Variants in NKIRAS1 observed in about 807,000 individuals in gnomAD.
The protein encoded by NKIRAS1 is NF-kappa-B inhibitor-interacting Ras-like protein 1.
Under a neutral mutation model 19.8 loss-of-function variants are expected in NKIRAS1, and 16 were observed. The ratio of observed to expected loss-of-function variants is 0.81; its 90% CI spans 0.55 to 1.23. NKIRAS1 has a LOEUF of 1.23. Among genes scored for constraint, NKIRAS1 ranks in the 50% most tolerant of loss-of-function variants. NKIRAS1 has a pLI of 0.00. For synonymous variants in NKIRAS1, 88 were observed against 79.0 expected (o/e 1.11, Z -0.61); for missense variants, 184 against 220.0 (o/e 0.84, Z 1.04).
chr3:23,900,123 C>T (rs1702364679), intron 4 of NKIRAS1, among the ~76,000 whole-genome samples: 1 of 151,178 alleles, frequency 6.6e-6, no homozygotes, highest in Non-Finnish European at 1.5e-5. Flanking sequence ...GATCGTGCCA[C>T]TGCACTCCAG....
At chr3:23,918,089 C>A, upstream of NKIRAS1, 1 of 1,566,492 alleles carries the variant, frequency 6.4e-7, no homozygotes, top group Admixed American at 1.9e-5. Flanking sequence ...AAGTTGGAAA[C>A]CAGCTGTTAG....
chr3:23,945,580 T>C (rs1705637996), intron 1 of NKIRAS1: 3 of 1,135,058 alleles, frequency 2.6e-6, no homozygotes, highest in Non-Finnish European at 3.3e-6. Flanking sequence ...GAGGGCACCA[T>C]GGAGGTGAAT....
chr3:23,900,968 A>G lies in NKIRAS1; in HGVS notation c.176T>C (p.Leu59Pro). 2 of 1,614,176 alleles carry G rather than the reference A, an allele frequency of 1.2e-6. No individual in the cohort carries two copies. The highest frequency in any genetic ancestry group is 1.7e-6 in the Non-Finnish European group (2 of 1,180,022). The change falls in exon 4 of 5, where the codon CTT becomes CCT. Residue 59 changes from leucine (L) to proline (P), a missense_variant. Leu to Pro is a moderately conservative substitution (Grantham distance 98). Coordinates refer to ENST00000425478, the MANE Select transcript of NKIRAS1 (RefSeq NM_020345.4). ...TTCCTGTAGACCTCTGGTGTCATAA[A>G]GATGTAACTGTTCTTTTACTCCTCG... is the stretch of plus-strand genomic sequence containing the variant. ...TDRGVKEQLH[L>P]YDTRGLQEGV...
intron 1 of NKIRAS1, chr3:23,923,299 C>T (rs1705148252): frequency 1.3e-5 from 2 of 150,022 alleles, no homozygotes; most frequent in Admixed American, 1.3e-4. Context: ...TGGCTCGCAG[C>T]AACTTCTGCC....
At chr3:23,934,938 C>T (rs958050286) in intron 1 of NKIRAS1, among the ~76,000 whole-genome samples, 1 of 151,930 alleles carries the variant, frequency 6.6e-6, no homozygotes, top group African/African-American at 2.4e-5. Context: ...ATTTCTAAAT[C>T]CTGAAAGAAT....
intron 3 of NKIRAS1, among the ~76,000 whole-genome samples, chr3:23,906,868 A>AC (rs1703115744): frequency 6.6e-6 from 1 of 151,988 alleles, no homozygotes; most frequent in African/African-American, 2.4e-5. Flanking sequence ...TTTTAAAATA[A>AC]CCTTTATTTT....
At chr3:23,893,454 T>G in intron 4 of NKIRAS1, 117 bp from the exon 5 acceptor site, 1 of 836,366 alleles carries the variant, frequency 1.2e-6, no homozygotes, top group Admixed American at 2.4e-5. Context: ...TTAAACTGAT[T>G]CTCAAGTGTG....
intron 1 of NKIRAS1, among the ~76,000 whole-genome samples, chr3:23,913,466 T>C (rs753070449): frequency 3.9e-5 from 6 of 152,184 alleles, no homozygotes; most frequent in Non-Finnish European, 8.8e-5. Flanking sequence ...ACAATACCAC[T>C]ACATAAAGCA....
At chr3:23,943,208 ATCTT>A (rs1559518020) in intron 1 of NKIRAS1, among the ~76,000 whole-genome samples, 1 of 152,172 alleles carries the variant, frequency 6.6e-6, no homozygotes, top group Non-Finnish European at 1.5e-5. Context: ...GTAACCACTG[ATCTT>A]TCTACTGTCT....
intron 3 of NKIRAS1, among the ~76,000 whole-genome samples, chr3:23,904,186 G>A (rs758367703): frequency 2.6e-5 from 4 of 152,150 alleles, no homozygotes; most frequent in South Asian, 2.1e-4. Flanking sequence ...ATTCTATGAC[G>A]CATCACTGAA....
At chr3:23,945,848 C>T (rs1256440312) in intron 1 of NKIRAS1, among the ~76,000 whole-genome samples, 5 of 150,658 alleles carry the variant, frequency 3.3e-5, no homozygotes, top group African/African-American at 4.9e-5. Context: ...ATGGCCCGGC[C>T]GCGCGAGCCA....
intron 3 of NKIRAS1, among the ~76,000 whole-genome samples, chr3:23,910,325 G>A (rs955486127): frequency 1.3e-5 from 2 of 150,394 alleles, no homozygotes; most frequent in African/African-American, 4.9e-5. Flanking sequence ...CCTGGCTAAT[G>A]TTGTATTTTT....
At position 23,914,539 on chromosome 3, in the gene NKIRAS1, G is replaced by C. The variant is rs571458738; in HGVS notation, c.-140+2245C>G. The stretch of plus-strand genomic sequence containing the variant: ...CATAAAAATATATTCAACAGGTTTT[G>C]CACACAGTATTGCACAAAATAAAAT... On this transcript the variant is annotated intron_variant, in intron 1 of 4. Transcript: ENST00000425478. Among the ~76,000 whole-genome samples the C allele has an allele frequency of 2.6e-4, 40 of 152,270 alleles. 1 individual carries two copies. In the South Asian group the frequency reaches 8.1e-3, roughly 31 times the overall value.
At chr3:23,919,007 GTGT>G (rs1477337891), upstream of NKIRAS1, 9 of 604,926 alleles carry the variant, frequency 1.5e-5, no homozygotes, top group South Asian at 6.1e-5. Context: ...CAGTCTATGT[GTGT>G]TGTTTTAGCA....
At chr3:23,943,709 G>A (rs1216010870) in intron 1 of NKIRAS1, among the ~76,000 whole-genome samples, 2 of 152,186 alleles carry the variant, frequency 1.3e-5, no homozygotes, top group African/African-American at 2.4e-5. Context: ...GCTACAAAGC[G>A]TGGCCTGGGG....
In NKIRAS1 at chr3:23,900,451, G is replaced by A. The variant is rs540529826; in HGVS notation, c.336+357C>T. On this transcript the variant is annotated intron_variant, in intron 4 of 4. Coordinates refer to ENST00000425478, the MANE Select transcript of NKIRAS1 (RefSeq NM_020345.4). ...GGAGTTCAAGACCAGCCTGGCCAACGCGGTAATACCCTGTCTCCACTAAAA... is the reference window on the plus strand; with the variant it reads ...GGAGTTCAAGACCAGCCTGGCCAACACGGTAATACCCTGTCTCCACTAAAA... 4.6e-5 allele frequency among the ~76,000 whole-genome samples: 7 copies of A among 152,004 alleles called. No homozygotes were observed. The South Asian group carries it at 1.2e-3, about 27-fold the overall frequency.
chr3:23,901,359 A>G (rs970634378), intron 3 of NKIRAS1, among the ~76,000 whole-genome samples: 44 of 151,666 alleles, frequency 2.9e-4, no homozygotes, highest in African/African-American at 9.0e-4. Flanking sequence ...GAATTCTTGT[A>G]CTTTTTGTAG....
intron 1 of NKIRAS1, chr3:23,945,617 T>TG (rs1482283210): frequency 2.0e-6 from 2 of 1,016,850 alleles, no homozygotes; most frequent in Non-Finnish European, 2.3e-6. Context: ...CTGCGGCGGG[T>TG]GGGGGATGGC....
At chr3:23,931,159 T>G (rs1419474679) in intron 1 of NKIRAS1, among the ~76,000 whole-genome samples, 2 of 152,198 alleles carry the variant, frequency 1.3e-5, no homozygotes, top group Non-Finnish European at 2.9e-5. Flanking sequence ...CCGTAAACAG[T>G]GTTTCCATCA....
Sources: allele counts gnomAD v4.1 joint callset (sites outside exome capture counted in the v4.1 genomes callset), GRCh38; gene constraint gnomAD v4.1.1; transcripts MANE v1.5; gene names NCBI Gene and HGNC (gene_info 2026-07-23, HGNC 2026-07-21).